MICU1: variants seen among roughly 807,000 people sequenced by gnomAD.
MICU1 encodes the protein calcium uptake protein 1, mitochondrial.
A neutral mutation model predicts 56.8 loss-of-function variants in MICU1; 45 were observed. That is an observed-to-expected ratio of 0.79 (90% CI 0.62 to 1.02). The LOEUF (loss-of-function observed/expected upper bound fraction) is 1.02. MICU1 is among the 50% of genes least tolerant of loss of function. MICU1 has a pLI of 0.00. For synonymous variants in MICU1, 186 were observed against 195.1 expected (o/e 0.95, Z 0.39); for missense variants, 504 against 587.1 (o/e 0.86, Z 1.46).
chr10:72,423,605 G>C (rs1312836014), intron 8 of MICU1, among the ~76,000 whole-genome samples: 2 of 152,192 alleles, frequency 1.3e-5, no homozygotes, highest in African/African-American at 2.4e-5. Flanking sequence ...ACAGCATCTT[G>C]AGTAAGGTCT....
At chr10:72,474,406 T>C (rs998653069) in intron 8 of MICU1, among the ~76,000 whole-genome samples, 1 of 151,902 alleles carries the variant, frequency 6.6e-6, no homozygotes. Context: ...ATTTGATCAA[T>C]GTTTTGAATG....
intron 1 of MICU1, among the ~76,000 whole-genome samples, chr10:72,612,644 T>C (rs1841881294): frequency 6.6e-6 from 1 of 151,898 alleles, no homozygotes; most frequent in Non-Finnish European, 1.5e-5. Flanking sequence ...AAAAACAATT[T>C]TAAAAAATTA....
intron 1 of MICU1, among the ~76,000 whole-genome samples, chr10:72,609,271 C>CA (rs1025086273): frequency 1.3e-5 from 2 of 152,106 alleles, no homozygotes; most frequent in Admixed American, 6.6e-5. Context: ...GAGAAGATGA[C>CA]AAAGTTCTGA....
At chr10:72,515,568 T>G (rs980364129) in intron 5 of MICU1, among the ~76,000 whole-genome samples, 4 of 152,216 alleles carry the variant, frequency 2.6e-5, no homozygotes, top group African/African-American at 9.6e-5. Flanking sequence ...GTCTTATCCC[T>G]CACACACTTG....
intron 1 of MICU1, among the ~76,000 whole-genome samples, chr10:72,609,298 T>C (rs1424227839): frequency 6.6e-6 from 1 of 152,194 alleles, no homozygotes; most frequent in East Asian, 1.9e-4. Context: ...ATAGTGGCAA[T>C]AGCTGCATGA....
intron 1 of MICU1, among the ~76,000 whole-genome samples, chr10:72,616,825 C>A (rs1346935012): frequency 6.6e-6 from 1 of 152,172 alleles, no homozygotes; most frequent in African/African-American, 2.4e-5. Context: ...TCCCTCTCTG[C>A]AGCTATTTCC....
At chr10:72,604,861 T>G (rs1433789150) in intron 1 of MICU1, among the ~76,000 whole-genome samples, 1 of 152,216 alleles carries the variant, frequency 6.6e-6, no homozygotes, top group Non-Finnish European at 1.5e-5. Context: ...CAGCTTGACC[T>G]CTTATTGGCC....
At chr10:72,509,941 T>C (rs1564910151) in intron 5 of MICU1, among the ~76,000 whole-genome samples, 1 of 152,082 alleles carries the variant, frequency 6.6e-6, no homozygotes, top group Admixed American at 6.6e-5. Flanking sequence ...AAAGGTAAAC[T>C]ATGTGAACAG....
intron 8 of MICU1, among the ~76,000 whole-genome samples, chr10:72,469,309 G>C (rs1865883070): frequency 6.6e-6 from 1 of 152,172 alleles, no homozygotes; most frequent in Non-Finnish European, 1.5e-5. Context: ...TGGATCTGAA[G>C]TTTTAAAGTA....
At chr10:72,515,145 G>T (rs1867606324) in intron 5 of MICU1, among the ~76,000 whole-genome samples, 1 of 152,134 alleles carries the variant, frequency 6.6e-6, no homozygotes, top group African/African-American at 2.4e-5. Context: ...CAGGAACATG[G>T]GCCGCCATCC....
intron 1 of MICU1, among the ~76,000 whole-genome samples, chr10:72,584,010 C>T (rs1840977004): frequency 6.6e-6 from 1 of 152,142 alleles, no homozygotes; most frequent in Non-Finnish European, 1.5e-5. Context: ...ATTTAAGTTA[C>T]ACAAGTCTCT....
intron 7 of MICU1, chr10:72,475,938 C>A: frequency 8.8e-6 from 4 of 455,572 alleles, no homozygotes; most frequent in Non-Finnish European, 1.8e-5. Context: ...CTCAAAAACT[C>A]TCTCATGACC....
chr10:72,562,647 G>C, intron 3 of MICU1: 1 of 319,466 alleles, frequency 3.1e-6, no homozygotes. Flanking sequence ...AATCACCTTA[G>C]GCAGTTGAAC....
intron 11 of MICU1, among the ~76,000 whole-genome samples, chr10:72,368,753 G>T (rs1862230864): frequency 6.6e-6 from 1 of 152,132 alleles, no homozygotes. Flanking sequence ...CTGGCTGAGG[G>T]TAATGCAAAT....
intron 8 of MICU1, among the ~76,000 whole-genome samples, chr10:72,468,499 C>T (rs1169045369): frequency 6.6e-6 from 1 of 151,750 alleles, no homozygotes; most frequent in Non-Finnish European, 1.5e-5. Context: ...TTCTCAGTAG[C>T]CTTAGACGAA....
rs961000038 is a variant in MICU1, at chr10:72,406,852, C to A, written c.1180+1077G>T. ...ATGTTGACCAGGCTGGTCTCAAACT[C>A]CTGACCTCAGGTGATCTACCTGCCT... is the stretch of plus-strand genomic sequence containing the variant. On this transcript the variant is annotated intron_variant, in intron 10 of 11. Transcript: ENST00000361114. Among the ~76,000 whole-genome samples, 3 of 152,260 alleles carry A rather than the reference C, an allele frequency of 2.0e-5. No homozygotes were observed. The South Asian group carries it at 6.2e-4, about 32-fold the overall frequency.
chr10:72,595,277 C>T (rs971922712), intron 1 of MICU1, among the ~76,000 whole-genome samples: 1 of 151,504 alleles, frequency 6.6e-6, no homozygotes, highest in African/African-American at 2.4e-5. Context: ...CATGGAGAAA[C>T]CCCGTCTCTA....
chr10:72,377,281 G>A (rs1321648139), intron 10 of MICU1, among the ~76,000 whole-genome samples: 1 of 151,912 alleles, frequency 6.6e-6, no homozygotes, highest in Admixed American at 6.6e-5. Context: ...CATCACGCCT[G>A]GCTAATTTTT....
chr10:72,465,122 T>A (rs1387932172), intron 8 of MICU1, among the ~76,000 whole-genome samples: 1 of 152,104 alleles, frequency 6.6e-6, no homozygotes, highest in East Asian at 1.9e-4. Flanking sequence ...TGCCTCAGCC[T>A]CCCGAGTAGC....
Sources: allele counts gnomAD v4.1 joint callset (sites outside exome capture counted in the v4.1 genomes callset), GRCh38; gene constraint gnomAD v4.1.1; transcripts MANE v1.5; gene names NCBI Gene and HGNC (gene_info 2026-07-23, HGNC 2026-07-21).